UBXN6: variants seen among roughly 807,000 people sequenced by gnomAD.
The protein encoded by UBXN6 is UBX domain protein 6.
A neutral mutation model predicts 51.4 loss-of-function variants in UBXN6; 44 were observed. That is an observed-to-expected ratio of 0.86 (90% CI 0.67 to 1.10). The LOEUF (loss-of-function observed/expected upper bound fraction) is 1.10, where lower values mean the gene tolerates loss of function less well. Among genes scored for constraint, UBXN6 ranks in the 50% least tolerant of loss-of-function variants. The pLI, the probability that UBXN6 is intolerant of heterozygous loss-of-function variation, is 0.00. For synonymous variants in UBXN6, 316 were observed against 263.2 expected (o/e 1.20, Z -1.94); for missense variants, 672 against 596.1 (o/e 1.13, Z -1.32).
chr19:4,452,805 A>G (rs1974677072), intron 3 of UBXN6, among the ~76,000 whole-genome samples: 1 of 152,200 alleles, frequency 6.6e-6, no homozygotes, highest in Admixed American at 6.5e-5. Context: ...CCTGTCCCCA[A>G]GCTGTTGAGG....
At chr19:4,453,399 C>T in intron 3 of UBXN6, 59 bp downstream of exon 3, 1 of 1,576,292 alleles carries the variant, frequency 6.3e-7, no homozygotes, top group Non-Finnish European at 8.7e-7. Flanking sequence ...TCCCCCGTGA[C>T]ACAGTCAAGC....
In UBXN6 at chr19:4,445,095, A is replaced by G. The variant is rs1599670521; in HGVS notation, c.*403T>C. ...GCCAGCATCCCCTCCTGCCGTTGTC[A>G]CCCACATCCACAGAGCAGCCCTAGT... On this transcript the variant is annotated 3_prime_UTR_variant, in exon 11 of 11. Transcript: ENST00000301281. 1 of 191,016 alleles carries G rather than the reference A, an allele frequency of 5.2e-6. No homozygotes were observed. The highest frequency in any genetic ancestry group is 1.6e-4 in the East Asian group (1 of 6,402). 11.8% of individuals were successfully genotyped at this position (191,016 alleles called of 1,614,324 possible).
chr19:4,448,108 C>T (rs1974576355), intron 5 of UBXN6: 1 of 596,736 alleles, frequency 1.7e-6, no homozygotes, highest in Admixed American at 3.0e-5. Flanking sequence ...TCCTTCAACA[C>T]CTTCATTTTG....
At chr19:4,447,130 A>G (rs1247657202) in intron 6 of UBXN6, 26 of 606,352 alleles carry the variant, frequency 4.3e-5, no homozygotes, top group Non-Finnish European at 7.3e-5. Context: ...CACAGAGGAA[A>G]GAGTCACAAC....
Position 4,453,524 on chromosome 19 carries a change from T to C in UBXN6, c.248-2A>G. The C allele has an allele frequency of 6.2e-7, 1 of 1,613,480 alleles. No homozygotes were observed. Among genetic ancestry groups the C allele is most frequent in the Non-Finnish European group, 8.5e-7 (1 of 1,179,852 alleles). On this transcript the variant is annotated splice_acceptor_variant, in intron 2 of 10. Coordinates refer to ENST00000301281, the MANE Select transcript of UBXN6 (RefSeq NM_025241.3). LOFTEE classifies it high-confidence loss of function. ...CTTCGGCTTGAAGTTCCTTTCTCAC[T>C]GGAAGGCAGCCCAAGAAAGAGAGGC...
chr19:4,450,465 T>C (rs1325461452), intron 4 of UBXN6: 1 of 151,592 alleles, frequency 6.6e-6, no homozygotes, highest in Non-Finnish European at 1.5e-5. Context: ...TTGCCTAATA[T>C]GTAAAGAGTG....
Position 4,454,030 on chromosome 19 carries a change from G to T in UBXN6, c.147C>A (p.Thr49=). The change falls in exon 2 of 11, where the codon ACC becomes ACA. Residue 49 remains threonine (T), a synonymous_variant. Transcript: ENST00000301281. ...CAGCGGCTGCCATCTGTGCCTCATT[G>T]GTGGGTCCCTGGCGGGGCGGCCTGG... The part of the protein sequence containing the change: ...PAPRPPRQGP[T]NEAQMAAAAA... The T allele has an allele frequency of 6.2e-7, 1 of 1,601,646 alleles. No homozygotes were observed.
chr19:4,446,436 G>A (rs748110180), intron 8 of UBXN6, 23 bp from the exon 9 acceptor site: 77 of 1,579,116 alleles, frequency 4.9e-5, no homozygotes, highest in East Asian at 9.1e-5. Context: ...GCCAGGTCAC[G>A]AGGGCTGGCC....
Position 4,445,166 on chromosome 19 carries a change from A to G in UBXN6, c.*332T>C, listed in dbSNP as rs553188876. 3.2e-4 allele frequency: 101 copies of G among 311,892 alleles called. No individual in the cohort carries two copies. In the South Asian group the frequency reaches 3.3e-3, roughly 10 times the overall value. The allele number at this position is 311,892 out of a possible 1,614,324, so 19.3% of individuals were successfully genotyped here. On this transcript the variant is annotated 3_prime_UTR_variant, in exon 11 of 11. Coordinates refer to ENST00000301281, the MANE Select transcript of UBXN6 (RefSeq NM_025241.3). Reference sequence around the variant, plus strand: ...CCCACGGCACACGGGAACAGGACCCATGCTGCAGGCCTGCTCTCCTGCCCA... The same window carrying G: ...CCCACGGCACACGGGAACAGGACCCGTGCTGCAGGCCTGCTCTCCTGCCCA...
intron 10 of UBXN6, 173 bp downstream of exon 10, chr19:4,445,876 A>T: frequency 2.6e-6 from 3 of 1,158,200 alleles, no homozygotes; most frequent in South Asian, 3.1e-5. Flanking sequence ...GTAGTTATGA[A>T]CTTGCTCGAG....
intron 5 of UBXN6, 31 bp from the exon 6 acceptor site, chr19:4,447,656 C>T (rs570285035): frequency 5.6e-5 from 90 of 1,611,664 alleles, no homozygotes; most frequent in Non-Finnish European, 6.7e-5. Flanking sequence ...GAGTGGGGCA[C>T]AGCCCAGGCT....
chr19:4,453,978 G>C lies in UBXN6; in HGVS notation c.199C>G (p.Gln67Glu), dbSNP rs756335250. Residue 67 changes from glutamine (Q) to glutamate (E), a missense_variant, in exon 2 of 11, where the codon CAG becomes GAG. Gln to Glu is a conservative substitution (Grantham distance 29). Transcript: ENST00000301281. ...AAALARLEQK[Q>E]SRAWGPTSQD... is the part of the protein sequence containing the mutation. ...GATGTGGGGCCCCAGGCCCGGGACT[G>C]CTTCTGCTCCAGCCGGGCTAGGGCG... 1.3e-5 allele frequency: 21 copies of C among 1,611,136 alleles called. No individual in the cohort carries two copies. The Admixed American group carries it at 2.3e-4, about 18-fold the overall frequency.
rs1007774336 is a variant in UBXN6, at chr19:4,445,824, G to A, written c.1201-201C>T. The stretch of plus-strand genomic sequence containing the variant: ...GCCTAAACCTACTGCACTAGCTAAC[G>A]CACGTCACCGCTCCCATTTGATGGG... On this transcript the variant is annotated intron_variant, in intron 10 of 10. Coordinates refer to ENST00000301281, the MANE Select transcript of UBXN6 (RefSeq NM_025241.3). 1.6e-5 allele frequency: 17 copies of A among 1,036,234 alleles called. No individual in the cohort carries two copies. The East Asian group carries it at 2.4e-4, about 14-fold the overall frequency. 64.2% of individuals were successfully genotyped at this position (1,036,234 alleles called of 1,614,324 possible).
Position 4,454,035 on chromosome 19 carries a change from G to A in UBXN6, c.142C>T (p.Pro48Ser), listed in dbSNP as rs1974701729. Residue 48 changes from proline to serine, a missense_variant, in exon 2 of 11, where the codon CCC (proline) becomes TCC (serine). By Grantham distance (74) the Pro-to-Ser change is moderately conservative. Coordinates refer to ENST00000301281, the MANE Select transcript of UBXN6 (RefSeq NM_025241.3). ...QPAPRPPRQGPTNEAQMAAAA... is the reference protein window; with the variant it reads ...QPAPRPPRQGSTNEAQMAAAA... ...GCTGCCATCTGTGCCTCATTGGTGG[G>A]TCCCTGGCGGGGCGGCCTGGGGGCT... is the stretch of plus-strand genomic sequence containing the variant. 1.3e-6 allele frequency: 2 copies of A among 1,592,362 alleles called. No homozygotes were observed. The highest frequency in any genetic ancestry group is 1.7e-6 in the Non-Finnish European group (2 of 1,172,610).
In UBXN6 at chr19:4,446,111, G is replaced by A. The variant is rs376078592; in HGVS notation, c.1138C>T (p.Leu380=). 1 of 1,612,650 alleles carries A rather than the reference G, an allele frequency of 6.2e-7. No homozygotes were observed. Among genetic ancestry groups the A allele is most frequent in the Non-Finnish European group, 8.5e-7 (1 of 1,179,892 alleles). The change falls in exon 10 of 11, where the codon CTG becomes TTG. Residue 380 remains leucine (L), a synonymous_variant. Transcript: ENST00000301281. ...LQSDWLPFEL[L]ASGGQKLSED... ...GACAGCTTCTGCCCTCCCGAGGCCA[G>A]CAGCTCAAAAGGCAGCCAGTCGCTC...
rs967636097 is a variant in UBXN6, at chr19:4,445,205, T to G, written c.*293A>C. ...CTCTCCTGCCCAGGGAGATGCCACG[T>G]GTGTCTGTCCGGCAGCTTCATGACA... is the stretch of plus-strand genomic sequence containing the variant. On this transcript the variant is annotated 3_prime_UTR_variant, in exon 11 of 11. Transcript: ENST00000301281. 4 of 387,102 alleles carry G rather than the reference T, an allele frequency of 1.0e-5. No homozygotes were observed. The highest frequency in any genetic ancestry group is 1.9e-5 in the Non-Finnish European group (4 of 206,936). The allele number at this position is 387,102 out of a possible 1,614,324, so 24.0% of individuals were successfully genotyped here.
intron 6 of UBXN6, 93 bp from the exon 7 acceptor site, chr19:4,447,013 G>T: frequency 3.1e-6 from 4 of 1,293,920 alleles, no homozygotes; most frequent in Non-Finnish European, 4.4e-6. Flanking sequence ...TCTCGCTATT[G>T]GGAGCAGCTG....
chr19:4,453,839 T>G, intron 2 of UBXN6, 91 bp downstream of exon 2: 2 of 1,529,724 alleles, frequency 1.3e-6, no homozygotes, highest in Non-Finnish European at 1.8e-6. Flanking sequence ...ACCCCCACGG[T>G]TGCTCATGTG....
In UBXN6 at chr19:4,457,727, G is replaced by C; in HGVS notation, c.-30C>G. ...GCGGCTGGCCCGGCGGCGGGGGGCC[G>C]CGGGGGCGGGGGGGCACGGGGCCCA... On this transcript the variant is annotated 5_prime_UTR_variant, in exon 1 of 11. Transcript: ENST00000301281. 6.8e-7 allele frequency: 1 copy of C among 1,468,834 alleles called. No individual in the cohort carries two copies. The highest frequency in any genetic ancestry group is 1.3e-5 in the South Asian group (1 of 79,246). 91.0% of individuals were successfully genotyped at this position (1,468,834 alleles called of 1,614,324 possible). A position where few individuals can be genotyped will look rare whatever the true frequency, so the allele number is the denominator to read the frequency against.
Sources: gnomAD v4.1 joint callset for allele counts (sites outside exome capture counted in the v4.1 genomes callset) on GRCh38, gnomAD v4.1.1 for gene constraint, MANE v1.5 for transcripts, NCBI Gene and HGNC (gene_info 2026-07-23, HGNC 2026-07-21) for gene names.